Variants in ELOB observed in about 807,000 individuals in gnomAD.
The protein encoded by ELOB is elongin-B.
In ELOB, 3 loss-of-function variants were observed where a neutral mutation model predicts 12.9. The observed-to-expected ratio is 0.23, with a 90% confidence interval of 0.11 to 0.60. The LOEUF (loss-of-function observed/expected upper bound fraction) is 0.60, where lower values mean the gene tolerates loss of function less well. ELOB is among the 20% of genes least tolerant of loss of function. The pLI is 0.89. For missense variants in ELOB, 126 were observed against 159.2 expected (o/e 0.79, Z 1.12); for synonymous variants, 84 against 67.4 (o/e 1.25, Z -1.21).
rs572250356 is a variant in ELOB at position 2,775,360 on chromosome 16, T to C, written c.244+91A>G. ...ACGAGGAAGACACTGCCCTGAAGGC[T>C]TCAACTCCAGGCTCCCTGATGACCT... On this transcript the variant is annotated intron_variant, in intron 3 of 3. Coordinates refer to ENST00000409906, the MANE Select transcript of ELOB (RefSeq NM_007108.4). 1.2e-5 allele frequency: 10 copies of C among 866,236 alleles called. No individual in the cohort carries two copies. In the Admixed American group the frequency reaches 2.7e-4, roughly 23 times the overall value. 53.7% of individuals were successfully genotyped at this position (866,236 alleles called of 1,614,324 possible).
intron 2 of ELOB, among the ~76,000 whole-genome samples, chr16:2,776,781 G>C (rs543058604): frequency 2.0e-5 from 3 of 152,324 alleles, no homozygotes; most frequent in African/African-American, 7.2e-5. Flanking sequence ...GGCGCCCGGG[G>C]CCCGGCACGA....
chr16:2,776,645 G>A (rs1019771591), intron 2 of ELOB, among the ~76,000 whole-genome samples: 1 of 152,268 alleles, frequency 6.6e-6, no homozygotes, highest in Admixed American at 6.5e-5. Context: ...GGATTAAGGG[G>A]TCGTGGTTCG....
chr16:2,771,935 AC>A lies in ELOB; in HGVS notation c.*54del. 1 of 1,574,114 alleles carries A rather than the reference AC, an allele frequency of 6.4e-7. No homozygotes were observed. The highest frequency in any genetic ancestry group is 1.4e-5 in the African/African-American group (1 of 73,620). On this transcript the variant is annotated 3_prime_UTR_variant, in exon 4 of 4. Coordinates refer to ENST00000409906, the MANE Select transcript of ELOB (RefSeq NM_007108.4). ...GGAGGGGCGGGAAAAAGAGGCAGCA[AC>A]CAGGCAGACTCCCAAATCTCTTTTA...
Position 2,775,538 on chromosome 16 carries a change from C to T in ELOB, c.157G>A (p.Asp53Asn). 6.2e-7 allele frequency: 1 copy of T among 1,609,050 alleles called. No individual in the cohort carries two copies. Among genetic ancestry groups the T allele is most frequent in the Non-Finnish European group, 8.5e-7 (1 of 1,179,748 alleles). The change falls in exon 3 of 4, where the codon GAT (aspartate) becomes AAT (asparagine). Residue 53 changes from aspartate to asparagine, a missense_variant. Coordinates refer to ENST00000409906, the MANE Select transcript of ELOB (RefSeq NM_007108.4). ...CCACACTCGCCCAGTGTCTTGCCAT[C>T]ATCCAAGAGTTGGTCATCCTGAGGA... Reference protein sequence around the residue: ...RLYKDDQLLDDGKTLGECGFT... With the variant: ...RLYKDDQLLDNGKTLGECGFT...
chr16:2,771,725 G>C lies in ELOB; in HGVS notation c.*265C>G. 1 of 1,544,212 alleles carries C rather than the reference G, an allele frequency of 6.5e-7. No individual in the cohort carries two copies. The highest frequency in any genetic ancestry group is 8.7e-7 in the Non-Finnish European group (1 of 1,148,792). On this transcript the variant is annotated 3_prime_UTR_variant, in exon 4 of 4. Transcript: ENST00000409906. The stretch of plus-strand genomic sequence containing the variant: ...TCCCTTTCCTCCCCCTGGCGTGGTT[G>C]GTGTGGCTGGCTAGCTGCTAACAAT...
chr16:2,771,792 A>C lies in ELOB; in HGVS notation c.*198T>G. The C allele has an allele frequency of 6.9e-7, 1 of 1,456,592 alleles. No individual in the cohort carries two copies. The highest frequency in any genetic ancestry group is 9.0e-7 in the Non-Finnish European group (1 of 1,109,010). The allele number at this position is 1,456,592 out of a possible 1,614,324, so 90.2% of individuals were successfully genotyped here. Reference sequence around the variant, plus strand: ...CAACCCAGGTCCCCATGGTGCCTTTAAGCAGCAGGCTGGGCCAAGTTCTCA... The same window carrying C: ...CAACCCAGGTCCCCATGGTGCCTTTCAGCAGCAGGCTGGGCCAAGTTCTCA... On this transcript the variant is annotated 3_prime_UTR_variant, in exon 4 of 4. Transcript: ENST00000409906.
chr16:2,775,882 A>AT (rs774512428), intron 2 of ELOB, among the ~76,000 whole-genome samples: 42 of 152,218 alleles, frequency 2.8e-4, no homozygotes, highest in Non-Finnish European at 5.6e-4. Flanking sequence ...GCATTTGAAC[A>AT]TTTTTTTATT....
At chr16:2,772,153 G>C (rs1019823155) in intron 3 of ELOB, 51 bp from the exon 4 acceptor site, 7 of 1,519,212 alleles carry the variant, frequency 4.6e-6, no homozygotes, top group Non-Finnish European at 6.2e-6. Context: ...TCTTGCCCCA[G>C]CTGGGGCCTT....
intron 3 of ELOB, 151 bp from the exon 4 acceptor site, chr16:2,772,253 G>A (rs962728042): frequency 9.3e-5 from 85 of 912,416 alleles, no homozygotes; most frequent in Non-Finnish European, 1.3e-4. Flanking sequence ...TGACCTCCCT[G>A]TTCCAGCTAC....
intron 3 of ELOB, among the ~76,000 whole-genome samples, chr16:2,773,720 C>A (rs2068782828): frequency 6.6e-6 from 1 of 152,162 alleles, no homozygotes; most frequent in Admixed American, 6.5e-5. Flanking sequence ...ACATTCCATG[C>A]CATATTAGGG....
In ELOB at chr16:2,771,662, C is replaced by T. The variant is rs571140218; in HGVS notation, c.*328G>A. 7 of 1,609,220 alleles carry T rather than the reference C, an allele frequency of 4.3e-6. No individual in the cohort carries two copies. The highest frequency in any genetic ancestry group is 3.3e-5 in the Admixed American group (2 of 59,802). On this transcript the variant is annotated 3_prime_UTR_variant, in exon 4 of 4. Coordinates refer to ENST00000409906, the MANE Select transcript of ELOB (RefSeq NM_007108.4). ...GGCCTAAAACTGGAATCTCTTGTCC[C>T]TGAGGCTGGCTCTGGTCTTTGTGTC...
rs748754373 is a variant in ELOB, at chr16:2,772,095, G to A, written c.252C>T (p.Thr84=). ...TVGLAFRADD[T]FEALCIEPFS... ...ACGGCTCGATGCACAGGGCCTCAAA[G>A]GTGTCATCTGTGGAGGAAGCAGCAG... is the stretch of plus-strand genomic sequence containing the variant. Residue 84 remains threonine, a synonymous_variant, in exon 4 of 4, where the codon ACC becomes ACT. Transcript: ENST00000409906. 2.4e-5 allele frequency: 38 copies of A among 1,607,408 alleles called. No individual in the cohort carries two copies. Among genetic ancestry groups the A allele is most frequent in the Non-Finnish European group, 3.2e-5 (38 of 1,176,294 alleles).
intron 2 of ELOB, 50 bp from the exon 3 acceptor site, chr16:2,775,606 C>G (rs780047817): frequency 1.3e-5 from 19 of 1,500,664 alleles, no homozygotes; most frequent in Non-Finnish European, 1.6e-5. Flanking sequence ...GGGCAAGTCC[C>G]AAAGACTTCT....
intron 2 of ELOB, 94 bp downstream of exon 2, chr16:2,776,899 C>T: frequency 7.0e-7 from 1 of 1,432,180 alleles, no homozygotes; most frequent in Non-Finnish European, 9.2e-7. Flanking sequence ...GCAGGCGTCG[C>T]CGGCCGCTAC....
At chr16:2,776,775 C>T (rs2150785601) in intron 2 of ELOB, among the ~76,000 whole-genome samples, 1 of 152,160 alleles carries the variant, frequency 6.6e-6, no homozygotes, top group East Asian at 1.9e-4. Flanking sequence ...GCCCTCGGCG[C>T]CCGGGGCCCG....
chr16:2,775,992 G>A (rs2068797730), intron 2 of ELOB, among the ~76,000 whole-genome samples: 1 of 152,170 alleles, frequency 6.6e-6, no homozygotes, highest in South Asian at 2.1e-4. Context: ...CTGGGCTCAA[G>A]CAATTCTCCT....
intron 2 of ELOB, among the ~76,000 whole-genome samples, chr16:2,776,318 A>T (rs764277113): frequency 1.2e-4 from 18 of 152,212 alleles, no homozygotes; most frequent in Non-Finnish European, 2.4e-4. Context: ...CCCAGTTTCC[A>T]GCTCTAGAAT....
In ELOB at chr16:2,771,414, T is replaced by C. The variant is rs2068743770; in HGVS notation, c.*576A>G. On this transcript the variant is annotated 3_prime_UTR_variant, in exon 4 of 4. Coordinates refer to ENST00000409906, the MANE Select transcript of ELOB (RefSeq NM_007108.4). The stretch of plus-strand genomic sequence containing the variant: ...AAATAAAAATGAGAAATGCAGGAAC[T>C]GGGTCTGTAGACTGTTTATTAAAGG... The C allele has an allele frequency of 1.2e-6, 2 of 1,612,654 alleles. No individual in the cohort carries two copies. Among genetic ancestry groups the C allele is most frequent in the South Asian group, 1.1e-5 (1 of 91,026 alleles).
At chr16:2,772,211 G>A (rs1039727030) in intron 3 of ELOB, 109 bp from the exon 4 acceptor site, 35 of 1,304,900 alleles carry the variant, frequency 2.7e-5, no homozygotes, top group Non-Finnish European at 3.2e-5. Flanking sequence ...CCATGCGAAC[G>A]CCCCTCCACA....
Sources: allele counts gnomAD v4.1 joint callset (sites outside exome capture counted in the v4.1 genomes callset), GRCh38; gene constraint gnomAD v4.1.1; transcripts MANE v1.5; gene names NCBI Gene and HGNC (gene_info 2026-07-23, HGNC 2026-07-21).